Variants in NRCAM observed in about 807,000 individuals in gnomAD.
NRCAM encodes neuronal cell adhesion molecule.
In NRCAM, 83 loss-of-function variants were observed where a neutral mutation model predicts 156.5. The observed-to-expected ratio is 0.53, with a 90% CI of 0.44 to 0.64. NRCAM has a LOEUF of 0.64. Among genes scored for constraint, NRCAM ranks in the 30% least tolerant of loss-of-function variants. The pLI is 0.00. For synonymous variants in NRCAM, 538 were observed against 563.9 expected (o/e 0.95, Z 0.65); for missense variants, 1,417 against 1,597.3 (o/e 0.89, Z 1.92).
rs551509897 is a variant in NRCAM, at chr7:108,331,125, G to A, written c.-173-18394C>T. Among the ~76,000 whole-genome samples, 42 of 152,266 alleles carry A rather than the reference G, an allele frequency of 2.8e-4. No homozygotes were observed. In the South Asian group the frequency reaches 4.4e-3, roughly 16 times the overall value. On this transcript the variant is annotated intron_variant, in intron 2 of 32. Transcript: ENST00000379028. ...TGATCAAAGTAGATGCAGGCTGGGC[G>A]TAATGGCTCGTGCCTATAATCCCAA...
chr7:108,407,697 T>C lies in NRCAM; in HGVS notation c.-331-8104A>G, dbSNP rs142029044. ...CCCAGCTCATGATTTTGAGGCTGTA[T>C]TGCAGTAGTTCTCAGCTCTGCTGGA... is the stretch of plus-strand genomic sequence containing the variant. On this transcript the variant is annotated intron_variant, in intron 1 of 32. Transcript: ENST00000379028. Among the ~76,000 whole-genome samples the C allele has an allele frequency of 1.6e-3, 243 of 152,354 alleles. 1 individual carries two copies. Among genetic ancestry groups the C allele is most frequent in the African/African-American group, 5.3e-3 (220 of 41,586 alleles).
chr7:108,299,162 A>AAC (rs1309530457), intron 3 of NRCAM, among the ~76,000 whole-genome samples: 11 of 143,990 alleles, frequency 7.6e-5, no homozygotes, highest in Non-Finnish European at 1.5e-4. Context: ...AAAAAAAAAA[A>AAC]ACCCAAAACA....
intron 1 of NRCAM, among the ~76,000 whole-genome samples, chr7:108,403,685 C>A (rs971315605): frequency 6.6e-6 from 1 of 152,102 alleles, no homozygotes; most frequent in African/African-American, 2.4e-5. Context: ...AAAATGAGGC[C>A]ATAGTTGAGA....
At chr7:108,337,048 T>C (rs1355476751) in intron 2 of NRCAM, among the ~76,000 whole-genome samples, 1 of 152,050 alleles carries the variant, frequency 6.6e-6, no homozygotes, top group Non-Finnish European at 1.5e-5. Flanking sequence ...ATGAATCGCT[T>C]GAGGCCAGGA....
intron 3 of NRCAM, among the ~76,000 whole-genome samples, chr7:108,272,817 T>C (rs2097417656): frequency 6.6e-6 from 1 of 152,110 alleles, no homozygotes; most frequent in Non-Finnish European, 1.5e-5. Flanking sequence ...ATTTGTTACA[T>C]AGGTATATAT....
intron 2 of NRCAM, among the ~76,000 whole-genome samples, chr7:108,329,762 C>T (rs1287819954): frequency 6.6e-6 from 1 of 152,170 alleles, no homozygotes; most frequent in Non-Finnish European, 1.5e-5. Flanking sequence ...ACTGTAATCA[C>T]ATGACCTCTG....
At chr7:108,286,672 A>G (rs2098113996) in intron 3 of NRCAM, among the ~76,000 whole-genome samples, 1 of 152,134 alleles carries the variant, frequency 6.6e-6, no homozygotes, top group African/African-American at 2.4e-5. Flanking sequence ...AGACACAGCT[A>G]TTAAGTGGAA....
At chr7:108,436,334 CATAA>C (rs1487849625) in intron 1 of NRCAM, among the ~76,000 whole-genome samples, 1 of 152,000 alleles carries the variant, frequency 6.6e-6, no homozygotes, top group African/African-American at 2.4e-5. Flanking sequence ...ACAAATGTGA[CATAA>C]ATGAGAGAAT....
Position 108,172,983 on chromosome 7 carries a change from ATTTTT to A in NRCAM, c.3187+2334_3187+2338del, listed in dbSNP as rs143144704. 3.2e-3 allele frequency among the ~76,000 whole-genome samples: 380 copies of A among 118,740 alleles called. 6 individuals are homozygous for A. The East Asian group carries it at 0.033, about 10-fold the overall frequency. 77.9% of individuals were successfully genotyped at this position (118,740 alleles called of 152,430 possible). On this transcript the variant is annotated intron_variant, in intron 28 of 32. Transcript: ENST00000379028. ...CATAATAAAATCTTATGAGATGTTG[ATTTTT>A]TTTTTTTTTTTTTTTTGAGATGGAG...
At chr7:108,365,146 T>C (rs2099584246) in intron 2 of NRCAM, among the ~76,000 whole-genome samples, 2 of 152,286 alleles carry the variant, frequency 1.3e-5, no homozygotes, top group African/African-American at 2.4e-5. Context: ...TTAACATATA[T>C]ATATTTTTAG....
intron 30 of NRCAM, among the ~76,000 whole-genome samples, chr7:108,164,485 G>C (rs781753436): frequency 2.0e-5 from 3 of 149,514 alleles, no homozygotes; most frequent in Non-Finnish European, 4.5e-5. Context: ...TGAATGCAGA[G>C]TTTAAAAATT....
chr7:108,432,855 T>C (rs557974892), intron 1 of NRCAM, among the ~76,000 whole-genome samples: 1 of 150,184 alleles, frequency 6.7e-6, no homozygotes, highest in South Asian at 2.1e-4. Context: ...TAAGCACCAC[T>C]GCACTCCAGC....
intron 1 of NRCAM, among the ~76,000 whole-genome samples, chr7:108,421,324 G>C (rs1009870439): frequency 5.3e-5 from 8 of 152,132 alleles, no homozygotes; most frequent in African/African-American, 1.9e-4. Context: ...TCTTTGACTA[G>C]TCATGCTAAA....
At chr7:108,257,105 A>G (rs2153972865) in intron 3 of NRCAM, among the ~76,000 whole-genome samples, 1 of 151,342 alleles carries the variant, frequency 6.6e-6, no homozygotes, top group East Asian at 1.9e-4. Context: ...GAAGGAAGGA[A>G]AAGAAAAGAA....
At chr7:108,375,822 G>C (rs988224587) in intron 2 of NRCAM, among the ~76,000 whole-genome samples, 3 of 152,170 alleles carry the variant, frequency 2.0e-5, no homozygotes, top group Admixed American at 2.0e-4. Context: ...CATCTGTCCA[G>C]TCTCTTGTAG....
chr7:108,325,920 T>C (rs933820052), intron 2 of NRCAM, among the ~76,000 whole-genome samples: 4 of 151,998 alleles, frequency 2.6e-5, no homozygotes, highest in African/African-American at 2.4e-5. Context: ...ACACAAAAGA[T>C]GAATAAGAGC....
At chr7:108,371,744 G>A (rs544371678) in intron 2 of NRCAM, among the ~76,000 whole-genome samples, 1 of 152,236 alleles carries the variant, frequency 6.6e-6, no homozygotes, top group South Asian at 2.1e-4. Flanking sequence ...ATGACATGGA[G>A]AAAGTGCTTC....
rs531514042 is a variant in NRCAM at position 108,219,932 on chromosome 7, G to C, written c.890+3793C>G. On this transcript the variant is annotated intron_variant, in intron 11 of 32. Transcript: ENST00000379028. The stretch of plus-strand genomic sequence containing the variant: ...AACTGTCACTGTTTGCTGATGATAT[G>C]ATCATTTACCTTGAAAACCTTAAAG... Among the ~76,000 whole-genome samples the C allele has an allele frequency of 9.9e-5, 15 of 152,242 alleles. No homozygotes were observed. In the South Asian group the frequency reaches 2.7e-3, roughly 27 times the overall value.
Position 108,189,727 on chromosome 7 carries a change from A to G in NRCAM, c.1953T>C (p.Phe651=). Residue 651 remains phenylalanine (F), a synonymous_variant, in exon 20 of 33, where the codon TTT becomes TTC. Coordinates refer to ENST00000379028, the MANE Select transcript of NRCAM (RefSeq NM_001037132.4). ...CAAGTTGATCTGTCAGTTCTAAGTCAAAGGGAGGATTTGGGACATCTGTAG... is the reference window on the plus strand; with the variant it reads ...CAAGTTGATCTGTCAGTTCTAAGTCGAAGGGAGGATTTGGGACATCTGTAG... ...APVYDVPNPP[F]DLELTDQLDK... 22 of 1,511,314 alleles carry G rather than the reference A, an allele frequency of 1.5e-5. No homozygotes were observed. The highest frequency in any genetic ancestry group is 1.9e-5 in the Non-Finnish European group (21 of 1,089,084). The allele number at this position is 1,511,314 out of a possible 1,614,324, so 93.6% of individuals were successfully genotyped here. A position where few individuals can be genotyped will look rare whatever the true frequency, so the allele number is the denominator to read the frequency against.
Sources: gnomAD v4.1 joint callset for allele counts (sites outside exome capture counted in the v4.1 genomes callset) on GRCh38, gnomAD v4.1.1 for gene constraint, MANE v1.5 for transcripts, NCBI Gene and HGNC (gene_info 2026-07-23, HGNC 2026-07-21) for gene names.